FAM153A: variants seen among roughly 807,000 people sequenced by gnomAD.
FAM153A encodes protein FAM153A.
In FAM153A, 12 loss-of-function variants were observed where a neutral mutation model predicts 48.1. The ratio of observed to expected loss-of-function variants is 0.25; its 90% confidence interval spans 0.16 to 0.40. FAM153A has a LOEUF of 0.40. Ranked by LOEUF, FAM153A falls within the 10% of genes least tolerant of loss-of-function variation. FAM153A has a pLI of 1.00. For missense variants in FAM153A, 111 were observed against 345.8 expected (o/e 0.32, Z 5.38); for synonymous variants, 36 against 118.2 (o/e 0.30, Z 4.51).
the FAM153A span, among the ~76,000 whole-genome samples, chr5:177,695,664 CACAG>C: frequency 6.6e-6 from 1 of 151,890 alleles, no homozygotes; most frequent in Non-Finnish European, 1.5e-5. Context: ...CTTCTTTCTA[CACAG>C]ACACAGTAAC....
At chr5:177,752,637 A>AG (rs1453329005) in intron 1 of FAM153A, among the ~76,000 whole-genome samples, 34 of 133,824 alleles carry the variant, frequency 2.5e-4, no homozygotes, top group African/African-American at 9.1e-4. Context: ...AAAAAAAAAA[A>AG]AAAAAGAAAA....
intron 18 of FAM153A, among the ~76,000 whole-genome samples, 176 bp downstream of exon 20, chr5:177,728,847 G>C (rs377610682): frequency 0.081 from 11,876 of 146,790 alleles, 545 homozygotes; most frequent in Non-Finnish European, 0.086. Flanking sequence ...GATTACAGGC[G>C]TGAGCCACTG....
chr5:177,764,104 T>C lies in FAM153A; in HGVS notation c.-56-15405A>G, dbSNP rs1300907899. ...AGGACAGCTGTGGCACCGGGGACGA[T>C]TGCCCTGAAGACAGCTGTTAACATC... On this transcript the variant is annotated intron_variant, in intron 1 of 8. Transcript: ENST00000393518. 4.9e-5 allele frequency among the ~76,000 whole-genome samples: 7 copies of C among 143,254 alleles called. No individual in the cohort carries two copies. In the East Asian group the frequency reaches 8.8e-4, roughly 18 times the overall value. 94.0% of individuals were successfully genotyped at this position (143,254 alleles called of 152,430 possible). A position where few individuals can be genotyped will look rare whatever the true frequency, so the allele number is the denominator to read the frequency against.
At chr5:177,699,042 C>T in the FAM153A span, among the ~76,000 whole-genome samples, 3 of 151,730 alleles carry the variant, frequency 2.0e-5, no homozygotes, top group Non-Finnish European at 4.4e-5. Context: ...CTCAAGTAAT[C>T]CTCCTACCTC....
chr5:177,754,433 C>A (rs539913652), upstream of FAM153A, among the ~76,000 whole-genome samples: 2 of 151,806 alleles, frequency 1.3e-5, no homozygotes, highest in African/African-American at 4.9e-5. Flanking sequence ...AAACAAAAGG[C>A]AGCAGAAACC....
exon 27 of FAM153A, chr5:177,712,207 C>T (rs1327492692): frequency 1.3e-5 from 2 of 151,862 alleles, no homozygotes; most frequent in African/African-American, 2.4e-5. Flanking sequence ...TGCGGTGGCT[C>T]GTACCTTTAA....
In FAM153A at chr5:177,739,152, A is replaced by G. The variant is rs1157322534; in HGVS notation, c.538-15T>C. On this transcript the variant is annotated splice_polypyrimidine_tract_variant and intron_variant, in intron 9 of 20. Transcript: ENST00000614127. ...CCTGCGTCTGCCTGCGTTTAGAGAA[A>G]GAAAAACACCATGAGGGTAAGATCA... is the stretch of plus-strand genomic sequence containing the variant. 6 of 1,612,416 alleles carry G rather than the reference A, an allele frequency of 3.7e-6. No individual in the cohort carries two copies. Among genetic ancestry groups the G allele is most frequent in the Non-Finnish European group, 5.1e-6 (6 of 1,179,930 alleles).
At chr5:177,709,586 C>T (rs1489877383), downstream of FAM153A, among the ~76,000 whole-genome samples, 6 of 148,582 alleles carry the variant, frequency 4.0e-5, no homozygotes, top group African/African-American at 1.5e-4. Context: ...TAGTCTCAAA[C>T]TCCTGACCTC....
At chr5:177,755,804 C>T (rs1185736375), upstream of FAM153A, among the ~76,000 whole-genome samples, 9 of 150,260 alleles carry the variant, frequency 6.0e-5, no homozygotes, top group Admixed American at 6.0e-4. Flanking sequence ...TTGTCACCAC[C>T]AGGCCTGCCC....
chr5:177,764,518 TG>T (rs1192752394), intron 1 of FAM153A, among the ~76,000 whole-genome samples: 1 of 130,840 alleles, frequency 7.6e-6, no homozygotes, highest in African/African-American at 2.7e-5. Flanking sequence ...TGAGGGAAGC[TG>T]GGAAAACCTG....
chr5:177,747,904 CTTTCT>C (rs1766267496), intron 3 of FAM153A, 111 bp from the exon 6 acceptor site: 1 of 427,784 alleles, frequency 2.3e-6, no homozygotes, highest in Non-Finnish European at 3.9e-6. Context: ...TCTTTCTTTC[CTTTCT>C]TTTCTTTCTT....
At chr5:177,706,123 TACAAC>T (rs1483370195), downstream of FAM153A, among the ~76,000 whole-genome samples, 1 of 151,540 alleles carries the variant, frequency 6.6e-6, no homozygotes, top group Non-Finnish European at 1.5e-5. Context: ...CCAGTAGAAA[TACAAC>T]AAACCCAATA....
At chr5:177,762,785 G>GCT (rs1236401701) in intron 1 of FAM153A, 4 of 132,008 alleles carry the variant, frequency 3.0e-5, no homozygotes, top group African/African-American at 1.2e-4. Flanking sequence ...TCTGCACACT[G>GCT]CTATACAACC....
downstream of FAM153A, among the ~76,000 whole-genome samples, chr5:177,709,501 A>G (rs924684637): frequency 6.8e-6 from 1 of 147,150 alleles, no homozygotes; most frequent in Non-Finnish European, 1.5e-5. Context: ...AGCTGGGATT[A>G]CAGGCGCCCG....
At chr5:177,735,236 C>T (rs922348092) in intron 12 of FAM153A, among the ~76,000 whole-genome samples, 1 of 149,016 alleles carries the variant, frequency 6.7e-6, no homozygotes, top group African/African-American at 2.6e-5. Context: ...GTCATTTCCT[C>T]CTCAGAATCC....
the FAM153A span, among the ~76,000 whole-genome samples, chr5:177,702,009 G>A: frequency 2.8e-4 from 42 of 151,526 alleles, no homozygotes; most frequent in Non-Finnish European, 5.7e-4. Flanking sequence ...CCGGGTTCAC[G>A]CCATTCTCCT....
At chr5:177,733,661 C>G (rs1764220858) in intron 14 of FAM153A, among the ~76,000 whole-genome samples, 1 of 151,532 alleles carries the variant, frequency 6.6e-6, no homozygotes, top group Admixed American at 6.6e-5. Context: ...CCCCACTCTC[C>G]CTGCTCAAGA....
At chr5:177,702,621 C>G in the FAM153A span, among the ~76,000 whole-genome samples, 4 of 151,868 alleles carry the variant, frequency 2.6e-5, no homozygotes, top group Admixed American at 2.6e-4. Flanking sequence ...CCTCCCATCA[C>G]AGACTCAGAG....
chr5:177,698,058 CGG>C, the FAM153A span, among the ~76,000 whole-genome samples: 1 of 151,064 alleles, frequency 6.6e-6, no homozygotes, highest in Admixed American at 6.6e-5. Context: ...GTAAGTAAGG[CGG>C]ATGGGCAACT....
Sources: allele counts gnomAD v4.1 joint callset (sites outside exome capture counted in the v4.1 genomes callset), GRCh38; gene constraint gnomAD v4.1.1; transcripts MANE v1.5; gene names NCBI Gene and HGNC (gene_info 2026-07-23, HGNC 2026-07-21).